The following STOX2 variants were observed in gnomAD, a reference collection of about 807,000 sequenced individuals.
STOX2 encodes the protein storkhead-box protein 2.
STOX2 carries 28 observed loss-of-function variants against 60.9 expected under a neutral mutation model. The ratio of observed to expected loss-of-function variants is 0.46; its 90% CI spans 0.34 to 0.63. STOX2 has a LOEUF of 0.63. STOX2 is among the 30% of genes least tolerant of loss of function. The pLI, the probability that STOX2 is intolerant of heterozygous loss-of-function variation, is 0.01. For synonymous variants in STOX2, 472 were observed against 463.9 expected, an observed-to-expected ratio of 1.02 and a Z score of -0.22; for missense variants, 1,024 against 1,187.7, an observed-to-expected ratio of 0.86 and a Z score of 2.03.
chr4:183,943,750 G>A (rs1394853292), intron 1 of STOX2, among the ~76,000 whole-genome samples: 5 of 152,300 alleles, frequency 3.3e-5, no homozygotes, highest in East Asian at 1.9e-4. Flanking sequence ...GGTGGCGTGC[G>A]CCTGTAGTCC....
chr4:183,965,088 A>G (rs941004152), intron 1 of STOX2, among the ~76,000 whole-genome samples: 1 of 152,232 alleles, frequency 6.6e-6, no homozygotes, highest in Non-Finnish European at 1.5e-5. Context: ...AATTAAAAAG[A>G]TATTGTGGTT....
At chr4:183,969,869 A>C (rs1393167396) in intron 1 of STOX2, among the ~76,000 whole-genome samples, 1 of 152,116 alleles carries the variant, frequency 6.6e-6, no homozygotes, top group Non-Finnish European at 1.5e-5. Context: ...AGATCCTCTC[A>C]CCTCAATCTC....
At chr4:183,916,796 G>A (rs980756354) in intron 1 of STOX2, among the ~76,000 whole-genome samples, 6 of 152,176 alleles carry the variant, frequency 3.9e-5, no homozygotes, top group Non-Finnish European at 8.8e-5. Context: ...CTTTGCAACC[G>A]TGTCGTCTTC....
At chr4:183,969,584 A>T (rs1579484775) in intron 1 of STOX2, among the ~76,000 whole-genome samples, 2 of 151,824 alleles carry the variant, frequency 1.3e-5, no homozygotes, top group South Asian at 4.2e-4. Context: ...CTGCTTATTC[A>T]TAATCTATGA....
intron 1 of STOX2, among the ~76,000 whole-genome samples, chr4:183,930,211 G>A (rs1208444489): frequency 6.7e-6 from 1 of 150,344 alleles, no homozygotes; most frequent in Non-Finnish European, 1.5e-5. Flanking sequence ...TGTCATCCAG[G>A]CTGGAGTGCA....
intron 1 of STOX2, among the ~76,000 whole-genome samples, chr4:183,941,402 T>C (rs1742749665): frequency 1.3e-5 from 2 of 152,162 alleles, no homozygotes; most frequent in African/African-American, 4.8e-5. Flanking sequence ...ACTCCGTCTC[T>C]ACTAAAAATA....
At chr4:183,822,663 G>A (rs112155720) in intron 1 of STOX2, among the ~76,000 whole-genome samples, 2,093 of 152,316 alleles carry the variant, frequency 0.014, 50 homozygotes, top group African/African-American at 0.046. Context: ...CCATCTGAGC[G>A]ATGGGGAGCA....
chr4:183,954,315 GTC>G (rs1301661257), intron 1 of STOX2, among the ~76,000 whole-genome samples: 4 of 118,500 alleles, frequency 3.4e-5, no homozygotes, highest in African/African-American at 1.3e-4. Flanking sequence ...TTGAGATGGA[GTC>G]TCACTCTGTC....
Position 184,010,611 on chromosome 4 carries a change from T to C in STOX2, c.1773T>C (p.Cys591=), listed in dbSNP as rs761147995. The C allele has an allele frequency of 6.8e-6, 11 of 1,613,850 alleles. No homozygotes were observed. The South Asian group carries it at 8.8e-5, about 13-fold the overall frequency. Residue 591 remains cysteine, a synonymous_variant, in exon 3 of 4, where the codon TGT becomes TGC. Coordinates refer to ENST00000308497, the MANE Select transcript of STOX2 (RefSeq NM_020225.3). The surrounding 1 kb of genome is among the most constrained non-coding windows in gnomAD (Gnocchi z 4.5). ...CATCCTATGGCGAACTCAACTCTTGTCCAACAAAAACAGCCACAGATGACT... is the reference window on the plus strand; with the variant it reads ...CATCCTATGGCGAACTCAACTCTTGCCCAACAAAAACAGCCACAGATGACT... ...SLPSYGELNS[C]PTKTATDDYF... is the part of the protein sequence containing the mutation.
At chr4:183,822,974 C>T (rs1438369572) in intron 1 of STOX2, among the ~76,000 whole-genome samples, 1 of 152,228 alleles carries the variant, frequency 6.6e-6, no homozygotes, top group Non-Finnish European at 1.5e-5. Context: ...CCTAGCCTTC[C>T]TGTGTCCGAC....
intron 1 of STOX2, among the ~76,000 whole-genome samples, chr4:183,992,626 G>A (rs754539540): frequency 7.2e-5 from 11 of 152,206 alleles, no homozygotes; most frequent in Non-Finnish European, 1.6e-4. Context: ...AGAATTTCAG[G>A]ACATCTGGGA....
intron 1 of STOX2, among the ~76,000 whole-genome samples, chr4:183,931,295 G>A (rs1047311388): frequency 1.3e-4 from 20 of 152,094 alleles, no homozygotes; most frequent in African/African-American, 4.8e-4. Context: ...ATGGTGGCAT[G>A]CGCCTGTAGT....
intron 1 of STOX2, among the ~76,000 whole-genome samples, chr4:183,996,855 G>C (rs1006413572): frequency 3.3e-5 from 5 of 152,122 alleles, no homozygotes; most frequent in South Asian, 4.1e-4. Flanking sequence ...AATTGGGGGA[G>C]TCTTAGAAAT....
At chr4:183,815,745 A>G (rs1385762191) in intron 1 of STOX2, among the ~76,000 whole-genome samples, 1 of 152,204 alleles carries the variant, frequency 6.6e-6, no homozygotes, top group African/African-American at 2.4e-5. Context: ...GGGTAGGTAA[A>G]CACGAGATCT....
intron 1 of STOX2, among the ~76,000 whole-genome samples, chr4:183,951,154 G>A (rs1278832379): frequency 1.3e-5 from 2 of 150,956 alleles, no homozygotes; most frequent in African/African-American, 4.9e-5. Context: ...GGTGGAGCTT[G>A]CAGTGAGCCG....
In STOX2 at chr4:184,009,906, G is replaced by T. The variant is rs756454653; in HGVS notation, c.1068G>T (p.Arg356Ser). 1.9e-6 allele frequency: 3 copies of T among 1,612,528 alleles called. No individual in the cohort carries two copies. The highest frequency in any genetic ancestry group is 2.2e-5 in the South Asian group (2 of 90,650). Residue 356 changes from arginine (R) to serine (S), a missense_variant, in exon 3 of 4, where the codon AGG becomes AGT. Around this residue, in one of 3 missense-constraint regions of STOX2, gnomAD observed 922 missense variants for 1,058.3 expected, o/e 0.87. Coordinates refer to ENST00000308497, the MANE Select transcript of STOX2 (RefSeq NM_020225.3). The surrounding 1 kb of genome is among the most constrained non-coding windows in gnomAD (Gnocchi z 4.0). Reference sequence around the variant, plus strand: ...GGTCCTCTGCCCATCACAGCGGAAGGAGTAAAAAGAGTAGGACTCATCGGA... The same window carrying T: ...GGTCCTCTGCCCATCACAGCGGAAGTAGTAAAAAGAGTAGGACTCATCGGA... ...KAGSSAHHSG[R>S]SKKSRTHRKS...
intron 1 of STOX2, among the ~76,000 whole-genome samples, chr4:183,919,625 T>A (rs942620806): frequency 4.6e-5 from 7 of 152,148 alleles, no homozygotes; most frequent in Non-Finnish European, 1.0e-4. Context: ...GATTGTTTTT[T>A]AAGATGGTCT....
At chr4:183,813,150 G>A (rs995476639) in intron 1 of STOX2, among the ~76,000 whole-genome samples, 2 of 152,162 alleles carry the variant, frequency 1.3e-5, no homozygotes, top group Admixed American at 6.5e-5. Flanking sequence ...TTGGGAAGCC[G>A]AGGGGGGCAG....
chr4:183,889,757 C>T (rs1741163858), intron 1 of STOX2, among the ~76,000 whole-genome samples: 1 of 151,526 alleles, frequency 6.6e-6, no homozygotes, highest in Admixed American at 6.6e-5. Flanking sequence ...ACCAGGCCAC[C>T]TCCCCTCTTT....
Sources: gnomAD v4.1 joint callset for allele counts (sites outside exome capture counted in the v4.1 genomes callset) on GRCh38, gnomAD v4.1.1 for gene constraint, gnomAD v4.1.1 regional missense constraint, Gnocchi (gnomAD v3.1) non-coding constraint, MANE v1.5 for transcripts, NCBI Gene and HGNC (gene_info 2026-07-23, HGNC 2026-07-21) for gene names.